Variants in MCTP1 observed in about 807,000 individuals in gnomAD.
MCTP1 encodes the protein multiple C2 and transmembrane domain-containing protein 1.
A neutral mutation model predicts 120.6 loss-of-function variants in MCTP1; 69 were observed. The ratio of observed to expected loss-of-function variants is 0.57; its 90% CI spans 0.47 to 0.70. The LOEUF is 0.70. Among genes scored for constraint, MCTP1 ranks in the 30% least tolerant of loss-of-function variants. The pLI is 0.00. For synonymous variants in MCTP1, 529 were observed against 493.1 expected (o/e 1.07, Z -0.96); for missense variants, 1,203 against 1,248.8 (o/e 0.96, Z 0.55).
intron 6 of MCTP1, among the ~76,000 whole-genome samples, chr5:94,929,135 GAAC>G (rs542723304): frequency 2.4e-4 from 37 of 152,140 alleles, no homozygotes; most frequent in Non-Finnish European, 4.3e-4. Context: ...GTATTTAAAA[GAAC>G]AACAACCGAG....
At chr5:94,752,115 A>ATATATATATATATATATAT (rs1438701057) in intron 19 of MCTP1, among the ~76,000 whole-genome samples, 4 of 36,916 alleles carry the variant, frequency 1.1e-4, no homozygotes, top group African/African-American at 8.6e-4. Context: ...TAAAATATAT[A>ATATATATATATATATATAT]TATATATATA....
chr5:95,061,379 T>C (rs191844713), intron 1 of MCTP1, among the ~76,000 whole-genome samples: 1 of 148,696 alleles, frequency 6.7e-6, no homozygotes, highest in African/African-American at 2.5e-5. Flanking sequence ...CAATGTACTT[T>C]CATATCAATT....
At chr5:94,843,394 T>G (rs1008825487) in intron 17 of MCTP1, among the ~76,000 whole-genome samples, 7 of 152,314 alleles carry the variant, frequency 4.6e-5, no homozygotes, top group Admixed American at 3.3e-4. Flanking sequence ...GTGATCAGTT[T>G]ACAATGTCTG....
At chr5:95,009,420 C>A (rs1248281927) in intron 2 of MCTP1, among the ~76,000 whole-genome samples, 1 of 151,902 alleles carries the variant, frequency 6.6e-6, no homozygotes. Context: ...CCTAAAAACC[C>A]AACCTAATGA....
At chr5:94,783,613 G>A (rs528298106) in intron 18 of MCTP1, among the ~76,000 whole-genome samples, 1 of 152,114 alleles carries the variant, frequency 6.6e-6, no homozygotes, top group Admixed American at 6.6e-5. Flanking sequence ...GAAAGGATGA[G>A]GAAAAGTGGG....
chr5:95,257,218 C>T (rs1332738565), intron 1 of MCTP1, among the ~76,000 whole-genome samples: 1 of 152,144 alleles, frequency 6.6e-6, no homozygotes, highest in Admixed American at 6.5e-5. Flanking sequence ...ATGTTGACAA[C>T]AGTTTCTGGC....
chr5:94,801,597 G>A (rs1781248423), intron 17 of MCTP1, among the ~76,000 whole-genome samples: 1 of 152,180 alleles, frequency 6.6e-6, no homozygotes, highest in Non-Finnish European at 1.5e-5. Flanking sequence ...CTGGCGTCAT[G>A]GATGGGACTC....
At chr5:95,040,572 G>A (rs1295013939) in intron 1 of MCTP1, among the ~76,000 whole-genome samples, 1 of 152,082 alleles carries the variant, frequency 6.6e-6, no homozygotes, top group Non-Finnish European at 1.5e-5. Flanking sequence ...GACAGTGCCT[G>A]GATAAAATGA....
chr5:95,092,408 G>A (rs1018186619), intron 1 of MCTP1, among the ~76,000 whole-genome samples: 9 of 152,194 alleles, frequency 5.9e-5, no homozygotes, highest in Non-Finnish European at 1.3e-4. Context: ...CAGCTAGATA[G>A]GAGGAATACG....
chr5:94,909,465 T>C (rs1807874308), intron 9 of MCTP1, 84 bp from the exon 10 acceptor site: 1 of 1,381,764 alleles, frequency 7.2e-7, no homozygotes, highest in Non-Finnish European at 9.8e-7. Flanking sequence ...AAACTTTTGG[T>C]ACTATAGTAT....
chr5:95,178,936 G>T (rs1247308247), intron 1 of MCTP1, among the ~76,000 whole-genome samples: 2 of 151,992 alleles, frequency 1.3e-5, no homozygotes. Flanking sequence ...CATGATACAC[G>T]ATATGAGAGG....
intron 1 of MCTP1, among the ~76,000 whole-genome samples, chr5:95,244,869 C>T (rs1047210299): frequency 6.6e-5 from 10 of 152,266 alleles, no homozygotes; most frequent in East Asian, 1.9e-4. Context: ...GCTCCAAGAA[C>T]GGTCAGACTG....
At chr5:95,074,953 G>A (rs954515330) in intron 1 of MCTP1, among the ~76,000 whole-genome samples, 1 of 152,214 alleles carries the variant, frequency 6.6e-6, no homozygotes, top group Non-Finnish European at 1.5e-5. Context: ...CCCATGCCCA[G>A]CTTGGCTCTG....
intron 19 of MCTP1, among the ~76,000 whole-genome samples, chr5:94,759,718 G>A (rs1401975544): frequency 1.3e-5 from 2 of 152,000 alleles, no homozygotes; most frequent in African/African-American, 2.4e-5. Flanking sequence ...TCATTGCCAG[G>A]TAGACTACCA....
chr5:95,059,948 C>T (rs575277210), intron 1 of MCTP1, among the ~76,000 whole-genome samples: 2 of 152,144 alleles, frequency 1.3e-5, no homozygotes, highest in East Asian at 3.9e-4. Flanking sequence ...GAGAGAAACC[C>T]AATAAGAAGC....
intron 1 of MCTP1, among the ~76,000 whole-genome samples, chr5:95,275,224 T>A (rs1208264214): frequency 6.6e-6 from 1 of 152,246 alleles, no homozygotes; most frequent in Non-Finnish European, 1.5e-5. Flanking sequence ...ATATATTTTA[T>A]TTAACCTATG....
intron 19 of MCTP1, among the ~76,000 whole-genome samples, chr5:94,724,237 A>C (rs1761611468): frequency 6.6e-6 from 1 of 152,060 alleles, no homozygotes; most frequent in Non-Finnish European, 1.5e-5. Context: ...GGAGCCAAAG[A>C]CTGAAGAACC....
At chr5:95,060,984 A>C (rs1380645552) in intron 1 of MCTP1, among the ~76,000 whole-genome samples, 4 of 147,924 alleles carry the variant, frequency 2.7e-5, no homozygotes, top group Admixed American at 6.9e-5. Flanking sequence ...ATAATGAAGA[A>C]TCTGTCCTCA....
chr5:94,857,976 G>A (rs986022339), intron 17 of MCTP1, among the ~76,000 whole-genome samples: 3 of 151,698 alleles, frequency 2.0e-5, no homozygotes, highest in African/African-American at 7.3e-5. Flanking sequence ...TAGAAAGACA[G>A]CGATACAATG....
Sources: gnomAD v4.1 joint callset for allele counts (sites outside exome capture counted in the v4.1 genomes callset) on GRCh38, gnomAD v4.1.1 for gene constraint, MANE v1.5 for transcripts, NCBI Gene and HGNC (gene_info 2026-07-23, HGNC 2026-07-21) for gene names.